PGAM4: variants seen among roughly 807,000 people sequenced by gnomAD.
The protein encoded by PGAM4 is phosphoglycerate mutase family member 4, also known as phosphoglycerate mutase 4.
Under a neutral mutation model 10.8 loss-of-function variants are expected in PGAM4, and 7 were observed. That is an observed-to-expected ratio of 0.65 (90% CI 0.37 to 1.21). The LOEUF is 1.21. Among genes scored for constraint, PGAM4 ranks in the 50% most tolerant of loss-of-function variants. The probability of loss-of-function intolerance (pLI) is 0.02; values close to 1 mark genes in which losing one functional copy is unlikely to be tolerated. For synonymous variants in PGAM4, 55 were observed against 90.3 expected (o/e 0.61, Z 2.22); for missense variants, 146 against 214.1 (o/e 0.68, Z 1.98).
rs371589063 is a variant in PGAM4, at chrX:77,969,049, A to G, written c.590T>C (p.Val197Ala). 1 of 1,210,329 alleles carries G rather than the reference A, an allele frequency of 8.3e-7. No individual in the cohort carries two copies. Among genetic ancestry groups the G allele is most frequent in the African/African-American group, 1.7e-5 (1 of 57,311 alleles). ...GNSLQGIAKH[V>A]EGLSEEAIME... ...GATAGCCTCTTCAGAGAGACCCTCC[A>G]CATGCTTGGCAATGCCCTGGAGGCT... The change falls in exon 1 of 1, where the codon GTG (valine) becomes GCG (alanine). Residue 197 changes from valine (V) to alanine (A), a missense_variant. Coordinates refer to ENST00000458128, the MANE Select transcript of PGAM4 (RefSeq NM_001029891.3).
Position 77,968,631 on chromosome X carries a change from C to A in PGAM4, c.*243G>T, listed in dbSNP as rs2077523988. The stretch of plus-strand genomic sequence containing the variant: ...TTTAAACTCTGTTGGATAAGGGGAG[C>A]TTTTCCACAGCTTAGACTGAGAACC... On this transcript the variant is annotated 3_prime_UTR_variant, in exon 1 of 1. Coordinates refer to ENST00000458128, the MANE Select transcript of PGAM4 (RefSeq NM_001029891.3). Among the ~76,000 whole-genome samples, 2 of 112,462 alleles carry A rather than the reference C, an allele frequency of 1.8e-5. No homozygotes were observed. Among genetic ancestry groups the A allele is most frequent in the Non-Finnish European group, 3.8e-5 (2 of 53,265 alleles).
Position 77,969,541 on chromosome X carries a change from G to T in PGAM4, c.98C>A (p.Ala33Glu). The T allele has an allele frequency of 8.3e-7, 1 of 1,211,396 alleles. No homozygotes were observed. The highest frequency in any genetic ancestry group is 1.1e-6 in the Non-Finnish European group (1 of 895,489). The change falls in exon 1 of 1, where the codon GCG (alanine) becomes GAG (glutamate). Residue 33 changes from alanine (A) to glutamate (E), a missense_variant. Physicochemically the swap from Ala to Glu is moderately radical, Grantham distance 107. Transcript: ENST00000458128. ...GCCGCGCTTCGCCTCCTCGTGGCCC[G>T]CCGGGCTCAGATCGGCGTCGTACCA... Reference protein sequence around the residue: ...SCWYDADLSPAGHEEAKRGGQ... With the variant: ...SCWYDADLSPEGHEEAKRGGQ...
chrX:77,969,305 C>A lies in PGAM4; in HGVS notation c.334G>T (p.Val112Leu), dbSNP rs782627883. 1 of 1,211,869 alleles carries A rather than the reference C, an allele frequency of 8.3e-7. No homozygotes were observed. The highest frequency in any genetic ancestry group is 3.0e-5 in the East Asian group (1 of 33,841). Residue 112 changes from valine to leucine, a missense_variant, in exon 1 of 1, where the codon GTG becomes TTG. Coordinates refer to ENST00000458128, the MANE Select transcript of PGAM4 (RefSeq NM_001029891.3). ...ETAAKHGEAQVKIWRRSYDVP... is the reference protein window; with the variant it reads ...ETAAKHGEAQLKIWRRSYDVP... ...TCATAGGAGCGCCTCCAGATCTTCA[C>A]CTGGGCCTCACCATGCTTTGCAGCA...
At position 77,968,508 on chromosome X, in the gene PGAM4, G is replaced by A. The variant is rs1285076590; in HGVS notation, c.*366C>T. 2.7e-5 allele frequency among the ~76,000 whole-genome samples: 3 copies of A among 111,622 alleles called. No individual in the cohort carries two copies. The highest frequency in any genetic ancestry group is 9.8e-5 in the African/African-American group (3 of 30,682). On this transcript the variant is annotated 3_prime_UTR_variant, in exon 1 of 1. Transcript: ENST00000458128. ...AGGACAGACTCTGCTCATGGGGACA[G>A]ACAGGCTCTGTTGCTTCTCCTCATT...
chrX:77,968,785 G>A lies in PGAM4; in HGVS notation c.*89C>T, dbSNP rs1311526577. 2 of 1,125,241 alleles carry A rather than the reference G, an allele frequency of 1.8e-6. No homozygotes were observed. The highest frequency in any genetic ancestry group is 1.8e-5 in the African/African-American group (1 of 55,435). 92.7% of individuals were successfully genotyped at this position (1,125,241 alleles called of 1,213,427 possible). On this transcript the variant is annotated 3_prime_UTR_variant, in exon 1 of 1. Coordinates refer to ENST00000458128, the MANE Select transcript of PGAM4 (RefSeq NM_001029891.3). ...TACAACTCAAGATGTCTACAGATGT[G>A]GTCAGTGTGACATGTGCAGGTGGGA...
Position 77,969,628 on chromosome X carries a change from T to C in PGAM4, c.11A>G (p.Tyr4Cys). 2.5e-6 allele frequency: 3 copies of C among 1,211,852 alleles called. No individual in the cohort carries two copies. The highest frequency in any genetic ancestry group is 3.3e-6 in the Non-Finnish European group (3 of 895,558). ...GCCGTGCCGGATCAGCACCAGTTTG[T>C]AGGCGGCCATGGCGGTGGGCTGCAA... MAAYKLVLIRHGES... is the reference protein window; with the variant it reads MAACKLVLIRHGES... Residue 4 changes from tyrosine (Y) to cysteine (C), a missense_variant, in exon 1 of 1, where the codon TAC becomes TGC. By Grantham distance (194) the Tyr-to-Cys change is radical (BLOSUM62 -2). Transcript: ENST00000458128.
At position 77,968,983 on chromosome X, in the gene PGAM4, T is replaced by G; in HGVS notation, c.656A>C (p.Glu219Ala). ...NLPTGIPIVY[E>A]LDKNLKPIKP... ...GATAGGCTTCAAGTTCTTGTCCAAT[T>G]CATAGACGATGGGAATACCAGTCGG... Residue 219 changes from glutamate to alanine, a missense_variant, in exon 1 of 1, where the codon GAA becomes GCA. Coordinates refer to ENST00000458128, the MANE Select transcript of PGAM4 (RefSeq NM_001029891.3). 8.3e-7 allele frequency: 1 copy of G among 1,210,867 alleles called. No homozygotes were observed. Among genetic ancestry groups the G allele is most frequent in the Non-Finnish European group, 1.1e-6 (1 of 895,560 alleles).
Position 77,969,466 on chromosome X carries a change from G to A in PGAM4, c.173C>T (p.Ser58Leu). ...AGYEFDICLT[S>L]VQKRVIRTLW... ...GGTCCGGATCACTCTCTTCTGCACT[G>A]AGGTGAGGCAGATGTCAAACTCATA... Residue 58 changes from serine to leucine, a missense_variant, in exon 1 of 1, where the codon TCA (serine) becomes TTA (leucine). Ser to Leu is a moderately radical substitution (Grantham distance 145). Coordinates refer to ENST00000458128, the MANE Select transcript of PGAM4 (RefSeq NM_001029891.3). The A allele has an allele frequency of 3.3e-6, 4 of 1,210,633 alleles. No homozygotes were observed. The highest frequency in any genetic ancestry group is 4.5e-6 in the Non-Finnish European group (4 of 895,467).
At position 77,969,446 on chromosome X, in the gene PGAM4, G is replaced by A. The variant is rs782671104; in HGVS notation, c.193C>T (p.Arg65Trp). Residue 65 changes from arginine (R) to tryptophan (W), a missense_variant, in exon 1 of 1, where the codon CGG (arginine) becomes TGG (tryptophan). By Grantham distance (101) the Arg-to-Trp change is moderately radical (BLOSUM62 -3). Coordinates refer to ENST00000458128, the MANE Select transcript of PGAM4 (RefSeq NM_001029891.3). ...CLTSVQKRVI[R>W]TLWTVLDAID... ...GCATCTAGCACTGTCCAGAGGGTCC[G>A]GATCACTCTCTTCTGCACTGAGGTG... 9 of 1,210,357 alleles carry A rather than the reference G, an allele frequency of 7.4e-6. No homozygotes were observed. In the East Asian group the frequency reaches 2.1e-4, roughly 28 times the overall value.
chrX:77,969,167 C>T lies in PGAM4; in HGVS notation c.472G>A (p.Asp158Asn), dbSNP rs1351630777. The T allele has an allele frequency of 1.7e-6, 2 of 1,209,765 alleles. No individual in the cohort carries two copies. The highest frequency in any genetic ancestry group is 2.2e-6 in the Non-Finnish European group (2 of 895,141). Residue 158 changes from aspartate (D) to asparagine (N), a missense_variant, in exon 1 of 1, where the codon GAT becomes AAT. Transcript: ENST00000458128. ...DQLPSYESPK[D>N]TIARALPFWN... ...AAGGGCAGAGCTCTGGCAATAGTAT[C>T]CTTCGGACTCTCATAGGAGGGTAGC...
Position 77,969,531 on chromosome X carries a change from C to T in PGAM4, c.108G>A (p.Glu36=), listed in dbSNP as rs782138723. ...YDADLSPAGH[E]EAKRGGQALR... ...GCGCCTGCCCGCCGCGCTTCGCCTC[C>T]TCGTGGCCCGCCGGGCTCAGATCGG... The change falls in exon 1 of 1, where the codon GAG becomes GAA. Residue 36 remains glutamate (E), a synonymous_variant. Transcript: ENST00000458128. 2 of 1,209,817 alleles carry T rather than the reference C, an allele frequency of 1.7e-6. No homozygotes were observed. The highest frequency in any genetic ancestry group is 2.2e-6 in the Non-Finnish European group (2 of 895,278).
chrX:77,969,540 C>T lies in PGAM4; in HGVS notation c.99G>A (p.Ala33=). ...CGCCGCGCTTCGCCTCCTCGTGGCC[C>T]GCCGGGCTCAGATCGGCGTCGTACC... The part of the protein sequence containing the change: ...SCWYDADLSP[A]GHEEAKRGGQ... The change falls in exon 1 of 1, where the codon GCG becomes GCA. Residue 33 remains alanine (A), a synonymous_variant. Coordinates refer to ENST00000458128, the MANE Select transcript of PGAM4 (RefSeq NM_001029891.3). 3 of 1,211,411 alleles carry T rather than the reference C, an allele frequency of 2.5e-6. No homozygotes were observed. The highest frequency in any genetic ancestry group is 3.4e-6 in the Non-Finnish European group (3 of 895,522).
Position 77,968,951 on chromosome X carries a change from T to C in PGAM4, c.688A>G (p.Met230Val). 1.7e-6 allele frequency: 2 copies of C among 1,210,758 alleles called. No individual in the cohort carries two copies. Among genetic ancestry groups the C allele is most frequent in the Non-Finnish European group, 1.1e-6 (1 of 895,589 alleles). ...LDKNLKPIKP[M>V]QFLGDEETVC... The stretch of plus-strand genomic sequence containing the variant: ...GTCTCTTCATCCCCCAGAAACTGCA[T>C]GGGCTTGATAGGCTTCAAGTTCTTG... Residue 230 changes from methionine to valine, a missense_variant, in exon 1 of 1, where the codon ATG (methionine) becomes GTG (valine). By Grantham distance (21) the Met-to-Val change is conservative. Transcript: ENST00000458128.
At position 77,969,630 on chromosome X, in the gene PGAM4, G is replaced by A; in HGVS notation, c.9C>T (p.Ala3=). 8.3e-7 allele frequency: 1 copy of A among 1,211,698 alleles called. No homozygotes were observed. Among genetic ancestry groups the A allele is most frequent in the Non-Finnish European group, 1.1e-6 (1 of 895,503 alleles). Residue 3 remains alanine (A), a synonymous_variant, in exon 1 of 1, where the codon GCC becomes GCT. Transcript: ENST00000458128. MA[A]YKLVLIRHGE... The stretch of plus-strand genomic sequence containing the variant: ...CGTGCCGGATCAGCACCAGTTTGTA[G>A]GCGGCCATGGCGGTGGGCTGCAATA...
rs372215717 is a variant in PGAM4 at position 77,969,361 on chromosome X, C to T, written c.278G>A (p.Gly93Glu). ...TGCTTTATTGAGACCGGTTAGACCC[C>T]CATAGTGCCGCTCATTGAGGCGCCA... ...RTWRLNERHY[G>E]GLTGLNKAET... The change falls in exon 1 of 1, where the codon GGG becomes GAG. Residue 93 changes from glycine to glutamate, a missense_variant. Physicochemically the swap from Gly to Glu is moderately conservative, Grantham distance 98. Coordinates refer to ENST00000458128, the MANE Select transcript of PGAM4 (RefSeq NM_001029891.3). The T allele has an allele frequency of 1.2e-5, 14 of 1,208,622 alleles. No homozygotes were observed. In the African/African-American group the frequency reaches 1.6e-4, roughly 14 times the overall value.
At position 77,968,498 on chromosome X, in the gene PGAM4, C is replaced by A. The variant is rs1213753184; in HGVS notation, c.*376G>T. ...AGAAGAGCAGAGGACAGACTCTGCT[C>A]ATGGGGACAGACAGGCTCTGTTGCT... On this transcript the variant is annotated 3_prime_UTR_variant, in exon 1 of 1. Transcript: ENST00000458128. 4.5e-5 allele frequency among the ~76,000 whole-genome samples: 5 copies of A among 111,664 alleles called. No individual in the cohort carries two copies. Among genetic ancestry groups the A allele is most frequent in the African/African-American group, 1.6e-4 (5 of 30,686 alleles).
chrX:77,969,365 A>C lies in PGAM4; in HGVS notation c.274T>G (p.Tyr92Asp). The change falls in exon 1 of 1, where the codon TAT becomes GAT. Residue 92 changes from tyrosine to aspartate, a missense_variant. Tyr to Asp is a radical substitution (Grantham distance 160). Transcript: ENST00000458128. The part of the protein sequence containing the change: ...VRTWRLNERH[Y>D]GGLTGLNKAE... ...TTATTGAGACCGGTTAGACCCCCAT[A>C]GTGCCGCTCATTGAGGCGCCAAGTC... 8.3e-7 allele frequency: 1 copy of C among 1,210,266 alleles called. No homozygotes were observed. The highest frequency in any genetic ancestry group is 3.0e-5 in the East Asian group (1 of 33,821).
chrX:77,968,335 C>T lies in PGAM4; in HGVS notation c.*539G>A, dbSNP rs1429850085. Among the ~76,000 whole-genome samples, 1 of 112,082 alleles carries T rather than the reference C, an allele frequency of 8.9e-6. No homozygotes were observed. Among genetic ancestry groups the T allele is most frequent in the East Asian group, 2.8e-4 (1 of 3,600 alleles). ...TTTTTTAATAAAAGTAAATATAACA[C>T]ATAACGAAATTCAGGATTGATCCCA... On this transcript the variant is annotated 3_prime_UTR_variant, in exon 1 of 1. Coordinates refer to ENST00000458128, the MANE Select transcript of PGAM4 (RefSeq NM_001029891.3).
Position 77,968,078 on chromosome X carries a change from G to A in PGAM4, c.*796C>T, listed in dbSNP as rs1379771599. The stretch of plus-strand genomic sequence containing the variant: ...CAACTAGAACATGATTCAGAAATCA[G>A]TGAAAGACACACTTGGACAGGACCA... On this transcript the variant is annotated 3_prime_UTR_variant, in exon 1 of 1. Coordinates refer to ENST00000458128, the MANE Select transcript of PGAM4 (RefSeq NM_001029891.3). Among the ~76,000 whole-genome samples the A allele has an allele frequency of 3.6e-5, 4 of 110,860 alleles. No homozygotes were observed. Among genetic ancestry groups the A allele is most frequent in the South Asian group, 7.7e-4 (2 of 2,586 alleles).
Sources: allele counts gnomAD v4.1 joint callset (sites outside exome capture counted in the v4.1 genomes callset), GRCh38; gene constraint gnomAD v4.1.1; transcripts MANE v1.5; gene names NCBI Gene and HGNC (gene_info 2026-07-23, HGNC 2026-07-21).